Variants in MYO1D observed in about 807,000 individuals in gnomAD.
MYO1D encodes the protein unconventional myosin-Id.
MYO1D carries 83 observed loss-of-function variants against 122.0 expected under a neutral mutation model. The observed-to-expected ratio is 0.68, with a 90% CI of 0.57 to 0.82. The LOEUF is 0.82. Among genes scored for constraint, MYO1D ranks in the 40% least tolerant of loss-of-function variants. The probability of loss-of-function intolerance (pLI) is 0.00; values close to 1 mark genes in which losing one functional copy is unlikely to be tolerated. For missense variants in MYO1D, 1,157 were observed against 1,269.5 expected (o/e 0.91, Z 1.35); for synonymous variants, 464 against 446.9 (o/e 1.04, Z -0.48).
At chr17:32,809,639 A>G (rs1337469240) in intron 1 of MYO1D, among the ~76,000 whole-genome samples, 1 of 152,048 alleles carries the variant, frequency 6.6e-6, no homozygotes, top group Non-Finnish European at 1.5e-5. Context: ...GGGTTTTACC[A>G]TGTTGGCCAA....
chr17:32,736,670 C>A (rs1253779666), intron 14 of MYO1D, among the ~76,000 whole-genome samples: 1 of 152,184 alleles, frequency 6.6e-6, no homozygotes, highest in Non-Finnish European at 1.5e-5. Flanking sequence ...ATTTTTATTT[C>A]TTTACATGGC....
intron 16 of MYO1D, among the ~76,000 whole-genome samples, chr17:32,673,619 G>A (rs1045182086): frequency 6.6e-6 from 1 of 152,180 alleles, no homozygotes; most frequent in Non-Finnish European, 1.5e-5. Flanking sequence ...TGAAGAGCTG[G>A]GCATGGAGGC....
chr17:32,566,360 G>A (rs960489642), intron 21 of MYO1D, among the ~76,000 whole-genome samples: 4 of 152,158 alleles, frequency 2.6e-5, no homozygotes, highest in Non-Finnish European at 5.9e-5. Flanking sequence ...GAAGATGCAC[G>A]GGGGCTTGGG....
At chr17:32,565,028 G>T (rs34053328) in intron 21 of MYO1D, among the ~76,000 whole-genome samples, 70,286 of 151,672 alleles carry the variant, frequency 0.46, 16,582 homozygotes, top group African/African-American at 0.55. Context: ...TTTGGAGATG[G>T]CTTCTTGCTC....
chr17:32,567,029 C>T (rs760261630), intron 21 of MYO1D, among the ~76,000 whole-genome samples: 32 of 151,464 alleles, frequency 2.1e-4, no homozygotes, highest in Non-Finnish European at 4.4e-4. Context: ...CAAAAAGGAG[C>T]AGATGATGCG....
chr17:32,850,132 T>C (rs957034673), intron 1 of MYO1D, among the ~76,000 whole-genome samples: 15 of 151,386 alleles, frequency 9.9e-5, no homozygotes, highest in Non-Finnish European at 2.1e-4. Context: ...GGGAAATAAC[T>C]TTTTTTTTCC....
intron 21 of MYO1D, among the ~76,000 whole-genome samples, chr17:32,597,948 G>A (rs1185264227): frequency 1.3e-5 from 2 of 148,532 alleles, no homozygotes; most frequent in East Asian, 2.0e-4. Flanking sequence ...ACACCATTCT[G>A]TACCTTGCCC....
At chr17:32,571,426 T>C (rs1226714523) in intron 21 of MYO1D, among the ~76,000 whole-genome samples, 1 of 152,194 alleles carries the variant, frequency 6.6e-6, no homozygotes, top group African/African-American at 2.4e-5. Flanking sequence ...GTATCAAGCC[T>C]TTCCTCCTTT....
At chr17:32,720,350 T>C (rs2089496136) in intron 15 of MYO1D, among the ~76,000 whole-genome samples, 1 of 152,202 alleles carries the variant, frequency 6.6e-6, no homozygotes, top group African/African-American at 2.4e-5. Flanking sequence ...GTATATATTA[T>C]CTTATTTAAC....
intron 1 of MYO1D, among the ~76,000 whole-genome samples, chr17:32,808,742 T>C (rs1246204720): frequency 6.6e-6 from 1 of 152,094 alleles, no homozygotes; most frequent in Non-Finnish European, 1.5e-5. Flanking sequence ...CACCATGTAA[T>C]AATACAATGA....
chr17:32,537,855 T>C (rs1396994573), intron 21 of MYO1D, among the ~76,000 whole-genome samples: 1 of 152,180 alleles, frequency 6.6e-6, no homozygotes, highest in Non-Finnish European at 1.5e-5. Context: ...ATATTAACAA[T>C]GTAAAAGTAA....
intron 21 of MYO1D, among the ~76,000 whole-genome samples, chr17:32,507,188 C>A (rs1449354175): frequency 1.3e-5 from 2 of 151,916 alleles, no homozygotes; most frequent in Non-Finnish European, 1.5e-5. Flanking sequence ...ACTGCTTGAG[C>A]CCAGAAGTTC....
At chr17:32,564,211 C>T (rs2087151747) in intron 21 of MYO1D, among the ~76,000 whole-genome samples, 1 of 152,232 alleles carries the variant, frequency 6.6e-6, no homozygotes, top group Non-Finnish European at 1.5e-5. Flanking sequence ...AATGGATCCT[C>T]ATGCCCTCTG....
At chr17:32,724,599 T>C (rs1459276601) in intron 14 of MYO1D, among the ~76,000 whole-genome samples, 2 of 152,146 alleles carry the variant, frequency 1.3e-5, no homozygotes, top group Non-Finnish European at 1.5e-5. Context: ...AGAAGGTAGA[T>C]GGGATCTGAG....
chr17:32,756,767 C>A (rs756269778), intron 10 of MYO1D, among the ~76,000 whole-genome samples: 51 of 152,072 alleles, frequency 3.4e-4, no homozygotes, highest in Non-Finnish European at 5.9e-5. Context: ...AAATAAATAT[C>A]TATAAAAGAT....
chr17:32,551,049 C>T (rs9901929), intron 21 of MYO1D, among the ~76,000 whole-genome samples: 12,386 of 152,030 alleles, frequency 0.081, 1,542 homozygotes, highest in African/African-American at 0.27. Flanking sequence ...ATATTATCAG[C>T]GAAACAGAAT....
chr17:32,828,799 C>T (rs568374987), intron 1 of MYO1D, among the ~76,000 whole-genome samples: 2 of 152,306 alleles, frequency 1.3e-5, no homozygotes, highest in East Asian at 3.9e-4. Context: ...GCATTTTTCT[C>T]ATTTAAACTT....
In MYO1D at chr17:32,653,141, C is replaced by CAA. The variant is rs565131074; in HGVS notation, c.2595+700_2595+701dup. Among the ~76,000 whole-genome samples, 353 of 111,082 alleles carry CAA rather than the reference C, an allele frequency of 3.2e-3. 1 individual carries two copies. Among genetic ancestry groups the CAA allele is most frequent in the Middle Eastern group, 0.011 (2 of 174 alleles). 72.9% of individuals were successfully genotyped at this position (111,082 alleles called of 152,430 possible). ...TGGGCGACAGAATGAGACTCCGTCT[C>CAA]AAAAAAAAAAAATAAATAAAAGAAA... On this transcript the variant is annotated intron_variant, in intron 19 of 21. Transcript: ENST00000318217.
At chr17:32,609,708 A>C (rs1431656328) in intron 20 of MYO1D, among the ~76,000 whole-genome samples, 1 of 152,106 alleles carries the variant, frequency 6.6e-6, no homozygotes, top group Non-Finnish European at 1.5e-5. Context: ...TATTCCCATG[A>C]ATACATTTTC....
Sources: gnomAD v4.1 joint callset for allele counts (sites outside exome capture counted in the v4.1 genomes callset) on GRCh38, gnomAD v4.1.1 for gene constraint, MANE v1.5 for transcripts, NCBI Gene and HGNC (gene_info 2026-07-23, HGNC 2026-07-21) for gene names.